Variants in TMEM132B observed in about 807,000 individuals in gnomAD.
TMEM132B encodes transmembrane protein 132B.
In TMEM132B, 18 loss-of-function variants were observed where a neutral mutation model predicts 90.8. That is an observed-to-expected ratio of 0.20 (90% CI 0.14 to 0.29). TMEM132B has a LOEUF of 0.29. Among genes scored for constraint, TMEM132B ranks in the 10% least tolerant of loss-of-function variants. The pLI is 1.00. For missense variants in TMEM132B, 1,096 were observed against 1,326.8 expected, an observed-to-expected ratio of 0.83 and a Z score of 2.70; for synonymous variants, 504 against 523.3, an observed-to-expected ratio of 0.96 and a Z score of 0.50.
intron 3 of TMEM132B, among the ~76,000 whole-genome samples, chr12:125,502,129 G>T (rs1448067600): frequency 1.3e-5 from 2 of 152,162 alleles, no homozygotes; most frequent in African/African-American, 4.8e-5. Flanking sequence ...TGTTCCCCTT[G>T]CCTGGAACCC....
rs71092298 is a variant in TMEM132B at position 125,536,864 on chromosome 12, G to GAA, written c.1293+17247_1293+17248dup. ...GATGTGAATCTGGGGAGATTATCCT[G>GAA]AAAAAAAAATACCAGTAAATAAATA... On this transcript the variant is annotated intron_variant, in intron 4 of 8. Coordinates refer to ENST00000682704, the MANE Select transcript of TMEM132B (RefSeq NM_001366854.1). Among the ~76,000 whole-genome samples the GAA allele has an allele frequency of 3.1e-3, 473 of 150,566 alleles. 4 individuals carry two copies. Among genetic ancestry groups the GAA allele is most frequent in the Non-Finnish European group, 5.5e-3 (374 of 67,638 alleles).
chr12:125,367,732 T>G (rs1198093316), intron 2 of TMEM132B, among the ~76,000 whole-genome samples: 2 of 152,238 alleles, frequency 1.3e-5, no homozygotes, highest in Non-Finnish European at 2.9e-5. Context: ...TGTTTTTGTT[T>G]ACTCTCTAGT....
chr12:125,459,415 A>G lies in TMEM132B; in HGVS notation c.1106+43738A>G, dbSNP rs996104677. Reference sequence around the variant, plus strand: ...CATCATGCTAAATGAAATAAGCCAGACACAGAAAGACAAACATTGCTTGTT... The same window carrying G: ...CATCATGCTAAATGAAATAAGCCAGGCACAGAAAGACAAACATTGCTTGTT... On this transcript the variant is annotated intron_variant, in intron 3 of 8. Coordinates refer to ENST00000682704, the MANE Select transcript of TMEM132B (RefSeq NM_001366854.1). The surrounding 1 kb of genome is among the most constrained non-coding windows in gnomAD (Gnocchi z 4.1). Among the ~76,000 whole-genome samples, 1 of 152,196 alleles carries G rather than the reference A, an allele frequency of 6.6e-6. No individual in the cohort carries two copies. The highest frequency in any genetic ancestry group is 6.5e-5 in the Admixed American group (1 of 15,282).
At chr12:125,413,570 A>C (rs1879918246) in intron 2 of TMEM132B, among the ~76,000 whole-genome samples, 1 of 152,122 alleles carries the variant, frequency 6.6e-6, no homozygotes, top group South Asian at 2.1e-4. Context: ...TACCTTCTGA[A>C]TGTTTCATCT....
intron 1 of TMEM132B, among the ~76,000 whole-genome samples, chr12:125,254,531 G>T (rs1297225172): frequency 1.3e-5 from 2 of 152,046 alleles, no homozygotes; most frequent in East Asian, 3.9e-4. Context: ...TTTGCCTGGG[G>T]AGCCTCCTTA....
chr12:125,321,991 T>C (rs1876438560), intron 1 of TMEM132B, among the ~76,000 whole-genome samples: 1 of 152,214 alleles, frequency 6.6e-6, no homozygotes, highest in Non-Finnish European at 1.5e-5. Context: ...AACCTACTGA[T>C]AAATATAATA....
chr12:125,612,505 G>T (rs11058265), intron 5 of TMEM132B, among the ~76,000 whole-genome samples: 5,327 of 138,640 alleles, frequency 0.038, 136 homozygotes, highest in Non-Finnish European at 0.061. Context: ...ATAAAAAAAT[G>T]ACCAATACAA....
intron 4 of TMEM132B, among the ~76,000 whole-genome samples, chr12:125,564,221 T>C (rs1884610098): frequency 6.6e-6 from 1 of 152,222 alleles, no homozygotes; most frequent in South Asian, 2.1e-4. Flanking sequence ...TGAATGATAA[T>C]AAAATAGCAA....
intron 5 of TMEM132B, chr12:125,588,236 A>G (rs1885227353): frequency 6.6e-6 from 1 of 152,180 alleles, no homozygotes; most frequent in Admixed American, 6.5e-5. Flanking sequence ...TTCCTTATCT[A>G]TAAAATGGGG....
chr12:125,201,722 C>A (rs1232205462), intron 1 of TMEM132B, among the ~76,000 whole-genome samples: 3 of 152,186 alleles, frequency 2.0e-5, no homozygotes, highest in Non-Finnish European at 4.4e-5. Context: ...GGAACTCCTA[C>A]CCCTTGAGAT....
At chr12:125,431,605 T>C (rs1880511763) in intron 3 of TMEM132B, among the ~76,000 whole-genome samples, 1 of 152,130 alleles carries the variant, frequency 6.6e-6, no homozygotes, top group Admixed American at 6.5e-5. Flanking sequence ...TTCTTCCCCC[T>C]GACTCTACTG....
chr12:125,499,694 T>A (rs542619813), intron 3 of TMEM132B, among the ~76,000 whole-genome samples: 1 of 152,278 alleles, frequency 6.6e-6, no homozygotes, highest in African/African-American at 2.4e-5. Flanking sequence ...TAAGGCATAC[T>A]CCCTTCTGAG....
Position 125,650,794 on chromosome 12 carries a change from A to C in TMEM132B, c.1755A>C (p.Ser585=), listed in dbSNP as rs765748592. 2.4e-5 allele frequency: 38 copies of C among 1,614,096 alleles called. No homozygotes were observed. The highest frequency in any genetic ancestry group is 3.1e-5 in the Non-Finnish European group (36 of 1,180,046). Residue 585 remains serine, a synonymous_variant, in exon 7 of 9, where the codon TCA becomes TCC. Coordinates refer to ENST00000682704, the MANE Select transcript of TMEM132B (RefSeq NM_001366854.1). Reference sequence around the variant, plus strand: ...TCCTCACCCAGTTTGTGGCCGAGTCACCTGACTTAGGGCAGCTGACCTACA... The same window carrying C: ...TCCTCACCCAGTTTGTGGCCGAGTCCCCTGACTTAGGGCAGCTGACCTACA... ...VRVLTQFVAE[S]PDLGQLTYML...
At chr12:125,409,424 C>T (rs560576835) in intron 2 of TMEM132B, among the ~76,000 whole-genome samples, 1 of 152,142 alleles carries the variant, frequency 6.6e-6, no homozygotes, top group Admixed American at 6.5e-5. Context: ...AGGCATCCGG[C>T]GGCAGTGCTT....
At chr12:125,347,306 G>T (rs1877396065) in intron 1 of TMEM132B, among the ~76,000 whole-genome samples, 1 of 152,164 alleles carries the variant, frequency 6.6e-6, no homozygotes, top group Non-Finnish European at 1.5e-5. Context: ...GTAATTGGAG[G>T]AATGAATAAG....
intron 1 of TMEM132B, among the ~76,000 whole-genome samples, chr12:125,343,667 T>C (rs1877265614): frequency 6.6e-6 from 1 of 152,226 alleles, no homozygotes; most frequent in Non-Finnish European, 1.5e-5. Context: ...TAACAGAACT[T>C]ATTTTACAAC....
intron 5 of TMEM132B, among the ~76,000 whole-genome samples, chr12:125,625,562 C>T (rs1886214685): frequency 6.6e-6 from 1 of 152,140 alleles, no homozygotes. Context: ...ATCTATTTGC[C>T]TGTTGAAGGA....
chr12:125,514,857 C>T (rs67002256), intron 3 of TMEM132B, among the ~76,000 whole-genome samples: 1 of 151,840 alleles, frequency 6.6e-6, no homozygotes, highest in Admixed American at 6.6e-5. Flanking sequence ...TGCCCTGTCC[C>T]TCTCTGCTGC....
rs1881359995 is a variant in TMEM132B, at chr12:125,458,694, A to C, written c.1106+43017A>C. On this transcript the variant is annotated intron_variant, in intron 3 of 8. Transcript: ENST00000682704. The surrounding 1 kb of genome is among the most constrained non-coding windows in gnomAD (Gnocchi z 4.9). ...CCTCTGAGAATGGCCAGGGCTGGGA[A>C]GCCAATGGAGATGTTCCCGCCTGCA... Among the ~76,000 whole-genome samples the C allele has an allele frequency of 6.6e-6, 1 of 152,212 alleles. No homozygotes were observed. The highest frequency in any genetic ancestry group is 6.5e-5 in the Admixed American group (1 of 15,288).
Sources: gnomAD v4.1 joint callset for allele counts (sites outside exome capture counted in the v4.1 genomes callset) on GRCh38, gnomAD v4.1.1 for gene constraint, Gnocchi (gnomAD v3.1) non-coding constraint, MANE v1.5 for transcripts, NCBI Gene and HGNC (gene_info 2026-07-23, HGNC 2026-07-21) for gene names.